NUP133: variants seen among roughly 807,000 people sequenced by gnomAD.
NUP133 encodes the protein nucleoporin 133.
NUP133 carries 66 observed loss-of-function variants against 146.2 expected under a neutral mutation model. The observed-to-expected ratio is 0.45, with a 90% CI of 0.37 to 0.55. The LOEUF (loss-of-function observed/expected upper bound fraction) is 0.55, where lower values mean the gene tolerates loss of function less well. Ranked by LOEUF, NUP133 falls within the 20% of genes least tolerant of loss-of-function variation. The pLI is 0.00. For missense variants in NUP133, 1,277 were observed against 1,374.8 expected, an observed-to-expected ratio of 0.93 and a Z score of 1.12; for synonymous variants, 521 against 498.8, an observed-to-expected ratio of 1.04 and a Z score of -0.59.
At chr1:229,492,393 C>T (rs1571935274) in intron 8 of NUP133, among the ~76,000 whole-genome samples, 4 of 152,244 alleles carry the variant, frequency 2.6e-5, no homozygotes, top group African/African-American at 9.6e-5. Context: ...AGGCACGAGC[C>T]ACTGCGCCCG....
At position 229,498,163 on chromosome 1, in the gene NUP133, T is replaced by C. The variant is rs1485742268; in HGVS notation, c.792A>G (p.Gly264=). 1 of 1,609,922 alleles carries C rather than the reference T, an allele frequency of 6.2e-7. No individual in the cohort carries two copies. The highest frequency in any genetic ancestry group is 8.5e-7 in the Non-Finnish European group (1 of 1,178,882). The part of the protein sequence containing the change: ...GIGRKVSSLF[G]ILSPSSDLTL... Reference sequence around the variant, plus strand: ...TGAGATCACTACTAGGAGATAAAATTCCAAAAAGAGAAGAAACTTTTCGAC... The same window carrying C: ...TGAGATCACTACTAGGAGATAAAATCCCAAAAAGAGAAGAAACTTTTCGAC... The change falls in exon 6 of 26, where the codon GGA becomes GGG. Residue 264 remains glycine (G), a synonymous_variant. Transcript: ENST00000261396.
At chr1:229,468,159 G>A (rs577534275) in intron 15 of NUP133, among the ~76,000 whole-genome samples, 1 of 152,148 alleles carries the variant, frequency 6.6e-6, no homozygotes, top group African/African-American at 2.4e-5. Flanking sequence ...AGTGGAGAGC[G>A]CACCCTCAGG....
intron 12 of NUP133, among the ~76,000 whole-genome samples, chr1:229,482,664 C>T (rs1349630207): frequency 6.6e-6 from 1 of 152,140 alleles, no homozygotes; most frequent in Non-Finnish European, 1.5e-5. Flanking sequence ...GCAAGTGTGA[C>T]CAAGTGAGGA....
intron 23 of NUP133, among the ~76,000 whole-genome samples, chr1:229,449,873 A>ATATATATATATAT (rs1261799272): frequency 7.0e-5 from 6 of 85,802 alleles, no homozygotes; most frequent in African/African-American, 5.1e-5. Context: ...ATATATATAT[A>ATATATATATATAT]TTTTTTTTTT....
At chr1:229,463,504 A>G (rs753225969) in intron 19 of NUP133, 39 bp downstream of exon 19, 5 of 1,569,212 alleles carry the variant, frequency 3.2e-6, no homozygotes, top group Non-Finnish European at 4.3e-6. Flanking sequence ...AGAAAAGGCA[A>G]CTAAAGGACT....
At chr1:229,473,493 T>A (rs188129558) in intron 14 of NUP133, among the ~76,000 whole-genome samples, 1 of 151,850 alleles carries the variant, frequency 6.6e-6, no homozygotes, top group Non-Finnish European at 1.5e-5. Context: ...GAGACAAGAG[T>A]GCTCATGCTC....
chr1:229,447,166 C>T (rs930351764), intron 24 of NUP133, among the ~76,000 whole-genome samples: 8 of 152,154 alleles, frequency 5.3e-5, no homozygotes, highest in African/African-American at 1.9e-4. Flanking sequence ...TCTATGCAAA[C>T]TGACAACCTA....
chr1:229,453,640 C>T (rs1190575740), intron 21 of NUP133, among the ~76,000 whole-genome samples: 1 of 152,208 alleles, frequency 6.6e-6, no homozygotes, highest in Non-Finnish European at 1.5e-5. Flanking sequence ...TAATTGAATA[C>T]TGTTAACACT....
chr1:229,458,542 A>G (rs1660618429), intron 20 of NUP133, among the ~76,000 whole-genome samples: 1 of 152,156 alleles, frequency 6.6e-6, no homozygotes, highest in African/African-American at 2.4e-5. Context: ...AAACTTACAT[A>G]TTCACCTGAA....
chr1:229,472,062 G>A (rs961188785), intron 14 of NUP133, among the ~76,000 whole-genome samples: 1 of 152,178 alleles, frequency 6.6e-6, no homozygotes, highest in Non-Finnish European at 1.5e-5. Flanking sequence ...GCTCATGCCT[G>A]TAATCCCAGC....
intron 25 of NUP133, among the ~76,000 whole-genome samples, chr1:229,444,122 G>GGAGTTCGA (rs1660251035): frequency 6.6e-6 from 1 of 151,962 alleles, no homozygotes; most frequent in Non-Finnish European, 1.5e-5. Context: ...CACGAGGTCA[G>GGAGTTCGA]GAGTTCGAGG....
chr1:229,486,621 G>GATAT (rs1352771803), intron 10 of NUP133, 93 bp from the exon 11 acceptor site: 2 of 1,204,760 alleles, frequency 1.7e-6, no homozygotes, highest in Non-Finnish European at 2.3e-6. Context: ...TCATCTTGAT[G>GATAT]ATATATTAAG....
intron 11 of NUP133, among the ~76,000 whole-genome samples, chr1:229,484,443 C>T (rs1414076374): frequency 6.6e-6 from 1 of 152,158 alleles, no homozygotes; most frequent in East Asian, 1.9e-4. Flanking sequence ...CCATCCTGGG[C>T]CGCATGCAGC....
At chr1:229,452,501 G>T in intron 22 of NUP133, 24 bp downstream of exon 22, 1 of 1,565,930 alleles carries the variant, frequency 6.4e-7, no homozygotes, top group Non-Finnish European at 8.8e-7. Flanking sequence ...AAGAAATAGC[G>T]TTAAGGATTT....
chr1:229,468,912 C>T (rs16849807), intron 15 of NUP133, among the ~76,000 whole-genome samples: 4,616 of 152,216 alleles, frequency 0.03, 241 homozygotes, highest in African/African-American at 0.1. Context: ...TTCCATTCCC[C>T]AGGAACTAAC....
rs771846183 is a variant in NUP133, at chr1:229,487,533, G to A, written c.1275C>T (p.Val425=). The A allele has an allele frequency of 3.1e-6, 5 of 1,613,836 alleles. No individual in the cohort carries two copies. In the Admixed American group the frequency reaches 6.7e-5, roughly 22 times the overall value. ...TCCCAGTTCCTGTGGAGCACACATA[G>A]ACAGCACTTTCGTTATACAGATAGG... The part of the protein sequence containing the change: ...QTAYLYNESA[V]YVCSTGTGKF... Residue 425 remains valine, a synonymous_variant, in exon 10 of 26, where the codon GTC becomes GTT. Coordinates refer to ENST00000261396, the MANE Select transcript of NUP133 (RefSeq NM_018230.3).
chr1:229,472,074 C>T (rs777566248), intron 14 of NUP133, among the ~76,000 whole-genome samples: 1 of 152,170 alleles, frequency 6.6e-6, no homozygotes, highest in Admixed American at 6.5e-5. Flanking sequence ...AATCCCAGCA[C>T]TTTGGGAGGC....
intron 2 of NUP133, among the ~76,000 whole-genome samples, chr1:229,503,510 A>G (rs897578715): frequency 3.3e-5 from 5 of 152,234 alleles, no homozygotes; most frequent in Admixed American, 2.6e-4. Context: ...AAATTAGCAC[A>G]TATCTTAAGT....
chr1:229,484,780 C>T (rs1353324677), intron 11 of NUP133, among the ~76,000 whole-genome samples: 2 of 151,904 alleles, frequency 1.3e-5, no homozygotes, highest in Admixed American at 6.6e-5. Flanking sequence ...AATAACCATA[C>T]AATTACAAAA....
Sources: allele counts gnomAD v4.1 joint callset (sites outside exome capture counted in the v4.1 genomes callset), GRCh38; gene constraint gnomAD v4.1.1; transcripts MANE v1.5; gene names NCBI Gene and HGNC (gene_info 2026-07-23, HGNC 2026-07-21).